Variants in CDH15 observed in about 807,000 individuals in gnomAD.
The protein encoded by CDH15 is cadherin-15.
Under a neutral mutation model 69.4 loss-of-function variants are expected in CDH15, and 73 were observed. That is an observed-to-expected ratio of 1.05 (90% CI 0.87 to 1.28). The LOEUF is 1.28. CDH15 is among the 50% of genes most tolerant of loss of function. The probability of loss-of-function intolerance (pLI) is 0.00; values close to 1 mark genes in which losing one functional copy is unlikely to be tolerated. For synonymous variants in CDH15, 624 were observed against 507.7 expected (o/e 1.23, Z -3.08); for missense variants, 1,343 against 1,133.6 (o/e 1.18, Z -2.65).
In CDH15 at chr16:89,195,290, T is replaced by C; in HGVS notation, c.*135T>C. The stretch of plus-strand genomic sequence containing the variant: ...CTTCCTGTAGGCGAGGGCCCAAGTC[T>C]GGGGGCAGAACCTGAGTGTGGATGG... On this transcript the variant is annotated 3_prime_UTR_variant, in exon 14 of 14. Coordinates refer to ENST00000289746, the MANE Select transcript of CDH15 (RefSeq NM_004933.3). The C allele has an allele frequency of 1.1e-6, 1 of 935,742 alleles. No individual in the cohort carries two copies. The highest frequency in any genetic ancestry group is 1.6e-6 in the Non-Finnish European group (1 of 644,758). 58.0% of individuals were successfully genotyped at this position (935,742 alleles called of 1,614,324 possible).
Position 89,190,393 on chromosome 16 carries a change from G to A in CDH15, c.1129G>A (p.Glu377Lys), listed in dbSNP as rs765484798. The A allele has an allele frequency of 5.0e-6, 8 of 1,612,668 alleles. No homozygotes were observed. Among genetic ancestry groups the A allele is most frequent in the African/African-American group, 2.7e-5 (2 of 74,942 alleles). The stretch of plus-strand genomic sequence containing the variant: ...CACCAACGAGCCCCCCGTGTTCCAG[G>A]AGAACCCACTTCGGACCAGCCTAGC... The part of the protein sequence containing the change: ...QDTNEPPVFQ[E>K]NPLRTSLAEG... The change falls in exon 8 of 14, where the codon GAG (glutamate) becomes AAG (lysine). Residue 377 changes from glutamate (E) to lysine (K), a missense_variant. Coordinates refer to ENST00000289746, the MANE Select transcript of CDH15 (RefSeq NM_004933.3).
At position 89,183,699 on chromosome 16, in the gene CDH15, C is replaced by G; in HGVS notation, c.502+7C>G. 3.1e-6 allele frequency: 5 copies of G among 1,593,604 alleles called. No homozygotes were observed. The highest frequency in any genetic ancestry group is 4.3e-6 in the Non-Finnish European group (5 of 1,169,970). On this transcript the variant is annotated splice_region_variant and intron_variant, in intron 4 of 13. Coordinates refer to ENST00000289746, the MANE Select transcript of CDH15 (RefSeq NM_004933.3). ...CTGGAGGGTGCAGTCCCAGGTGAGACAGGACCACAGCCCCGGGCCGGGAGG... is the reference window on the plus strand; with the variant it reads ...CTGGAGGGTGCAGTCCCAGGTGAGAGAGGACCACAGCCCCGGGCCGGGAGG...
chr16:89,190,375 G>A lies in CDH15; in HGVS notation c.1111G>A (p.Glu371Lys), dbSNP rs775512337. ...CCGCGTGCATGTGCAGGACACCAAC[G>A]AGCCCCCCGTGTTCCAGGAGAACCC... Reference protein sequence around the residue: ...KVRVHVQDTNEPPVFQENPLR... With the variant: ...KVRVHVQDTNKPPVFQENPLR... The change falls in exon 8 of 14, where the codon GAG becomes AAG. Residue 371 changes from glutamate to lysine, a missense_variant. Coordinates refer to ENST00000289746, the MANE Select transcript of CDH15 (RefSeq NM_004933.3). 1.6e-5 allele frequency: 25 copies of A among 1,612,770 alleles called. No homozygotes were observed. Among genetic ancestry groups the A allele is most frequent in the Non-Finnish European group, 2.0e-5 (24 of 1,179,968 alleles).
At chr16:89,192,496 C>T (rs1176643660) in intron 11 of CDH15, 52 bp downstream of exon 11, 3 of 1,547,032 alleles carry the variant, frequency 1.9e-6, no homozygotes, top group African/African-American at 2.7e-5. Flanking sequence ...GGACCCTCCT[C>T]CCCAGGCCGT....
intron 13 of CDH15, 39 bp from the exon 14 acceptor site, chr16:89,194,823 C>A: frequency 6.4e-7 from 1 of 1,569,284 alleles, no homozygotes; most frequent in Non-Finnish European, 8.7e-7. Context: ...CACCCGCTGG[C>A]CCCTCCATGT....
intron 1 of CDH15, among the ~76,000 whole-genome samples, chr16:89,178,458 G>T (rs867014143): frequency 1.3e-5 from 2 of 152,148 alleles, no homozygotes; most frequent in African/African-American, 2.4e-5. Flanking sequence ...TTTTACCGAG[G>T]TACCCTGTTC....
chr16:89,183,714 G>C (rs200965299), intron 4 of CDH15, 22 bp downstream of exon 4: 1 of 1,571,942 alleles, frequency 6.4e-7, no homozygotes, highest in East Asian at 2.3e-5. Context: ...CCACAGCCCC[G>C]GGCCGGGAGG....
intron 5 of CDH15, chr16:89,185,689 G>A: frequency 2.7e-6 from 1 of 365,540 alleles, no homozygotes; most frequent in Non-Finnish European, 5.2e-6. Flanking sequence ...TCGGACTTCG[G>A]TGCTCCCGGA....
intron 5 of CDH15, chr16:89,186,265 C>T (rs1192015082): frequency 9.2e-6 from 1 of 108,258 alleles, no homozygotes; most frequent in Non-Finnish European, 1.9e-5. Context: ...ACAGTAGGTG[C>T]TCTGTAAACG....
intron 1 of CDH15, among the ~76,000 whole-genome samples, chr16:89,173,234 C>T (rs1311464507): frequency 6.6e-6 from 1 of 152,218 alleles, no homozygotes; most frequent in East Asian, 1.9e-4. Flanking sequence ...CCTCCAGGGC[C>T]CTTCCCCACC....
chr16:89,191,535 C>T, intron 9 of CDH15, 63 bp downstream of exon 9: 5 of 1,600,506 alleles, frequency 3.1e-6, no homozygotes, highest in Non-Finnish European at 2.5e-6. Context: ...GCACCCCTGC[C>T]AGTGTCGGAG....
chr16:89,193,869 G>A lies in CDH15; in HGVS notation c.2107G>A (p.Val703Met), dbSNP rs750425641. The change falls in exon 13 of 14, where the codon GTG (valine) becomes ATG (methionine). Residue 703 changes from valine (V) to methionine (M), a missense_variant. Transcript: ENST00000289746. ...QGRLHPQPPRVLPTSPLDIAD... is the reference protein window; with the variant it reads ...QGRLHPQPPRMLPTSPLDIAD... ...CCGCCTGCACCCCCAGCCACCCCGA[G>A]TGCTGCCCACCAGCCCCCTGGACAT... The A allele has an allele frequency of 2.5e-6, 4 of 1,612,080 alleles. No homozygotes were observed. In the Admixed American group the frequency reaches 6.7e-5, roughly 27 times the overall value.
At chr16:89,178,824 G>A (rs1915313069) in intron 1 of CDH15, among the ~76,000 whole-genome samples, 2 of 152,182 alleles carry the variant, frequency 1.3e-5, no homozygotes, top group African/African-American at 4.8e-5. Context: ...GGAGGGGGAC[G>A]GGCACTTTCC....
intron 12 of CDH15, 49 bp from the exon 13 acceptor site, chr16:89,193,706 C>T (rs1201521278): frequency 1.3e-6 from 2 of 1,585,156 alleles, no homozygotes; most frequent in Non-Finnish European, 1.7e-6. Flanking sequence ...AGACCTCCAC[C>T]AGGGCCACCC....
At chr16:89,187,593 G>C (rs1269959505) in intron 6 of CDH15, 36 bp downstream of exon 6, 1 of 1,612,014 alleles carries the variant, frequency 6.2e-7, no homozygotes, top group Admixed American at 1.7e-5. Context: ...AGTAGCCCCT[G>C]CTTAGAGCTG....
intron 1 of CDH15, among the ~76,000 whole-genome samples, chr16:89,178,411 T>G (rs1915303030): frequency 6.6e-6 from 1 of 152,040 alleles, no homozygotes; most frequent in Non-Finnish European, 1.5e-5. Flanking sequence ...CACACCAGGG[T>G]CCCAGCAGCT....
chr16:89,179,196 A>C (rs1915319700), intron 1 of CDH15, among the ~76,000 whole-genome samples: 1 of 152,188 alleles, frequency 6.6e-6, no homozygotes, highest in South Asian at 2.1e-4. Context: ...GTGGCCACCA[A>C]GGCCCTGGCT....
At chr16:89,175,711 G>A (rs1456655144) in intron 1 of CDH15, among the ~76,000 whole-genome samples, 1 of 152,224 alleles carries the variant, frequency 6.6e-6, no homozygotes, top group Non-Finnish European at 1.5e-5. Flanking sequence ...TGTGCTCTGT[G>A]GGTGCTGGCA....
chr16:89,185,053 G>C, intron 4 of CDH15, 120 bp from the exon 5 acceptor site: 1 of 941,884 alleles, frequency 1.1e-6, no homozygotes, highest in Non-Finnish European at 1.6e-6. Flanking sequence ...TGCCCCATCT[G>C]GGGTCAGCCG....
Sources: gnomAD v4.1 joint callset for allele counts (sites outside exome capture counted in the v4.1 genomes callset) on GRCh38, gnomAD v4.1.1 for gene constraint, MANE v1.5 for transcripts, NCBI Gene and HGNC (gene_info 2026-07-23, HGNC 2026-07-21) for gene names.